The following TRIM25 variants were observed in gnomAD, a reference collection of about 807,000 sequenced individuals.
The protein encoded by TRIM25 is E3 ubiquitin/ISG15 ligase TRIM25.
Under a neutral mutation model 65.2 loss-of-function variants are expected in TRIM25, and 45 were observed. The observed-to-expected ratio is 0.69, with a 90% confidence interval of 0.54 to 0.89. The LOEUF is 0.89. TRIM25 is among the 40% of genes least tolerant of loss of function. The pLI is 0.00. For synonymous variants in TRIM25, 321 were observed against 340.4 expected, an observed-to-expected ratio of 0.94 and a Z score of 0.63; for missense variants, 714 against 803.7, an observed-to-expected ratio of 0.89 and a Z score of 1.35.
At chr17:56,906,469 A>G (rs1909522496) in intron 2 of TRIM25, among the ~76,000 whole-genome samples, 1 of 152,124 alleles carries the variant, frequency 6.6e-6, no homozygotes, top group Admixed American at 6.6e-5. Flanking sequence ...TAGACTGGAA[A>G]AGAGGAATTC....
At position 56,889,539 on chromosome 17, in the gene TRIM25, A is replaced by C; in HGVS notation, c.*2161T>G. On this transcript the variant is annotated 3_prime_UTR_variant, in exon 9 of 9. Transcript: ENST00000316881. ...GAATGGTTCAAGACAGCAAGGATGC[A>C]CTCCTCAATTTACAACTCCAAAGCA... 1 of 387,794 alleles carries C rather than the reference A, an allele frequency of 2.6e-6. No individual in the cohort carries two copies. Among genetic ancestry groups the C allele is most frequent in the Non-Finnish European group, 4.6e-6 (1 of 219,776 alleles). The allele number at this position is 387,794 out of a possible 1,614,324, so 24.0% of individuals were successfully genotyped here.
chr17:56,900,843 A>G (rs546510555), intron 4 of TRIM25, among the ~76,000 whole-genome samples: 1 of 152,184 alleles, frequency 6.6e-6, no homozygotes, highest in South Asian at 2.1e-4. Context: ...GCAAAGCAGA[A>G]TAGGTCCCAG....
chr17:56,908,511 G>T lies in TRIM25; in HGVS notation c.650C>A (p.Ser217Ter). The change falls in exon 2 of 9, where the codon TCG becomes TAG. Residue 217 changes from serine to a stop codon, truncating the protein, a stop_gained. Coordinates refer to ENST00000316881, the MANE Select transcript of TRIM25 (RefSeq NM_005082.5). LOFTEE classifies it high-confidence loss of function. ...GTTTCTCACATCATCCAGTGCTCTCGACGCCCCGTTGATCTGACTGTACAT... is the reference window on the plus strand; with the variant it reads ...GTTTCTCACATCATCCAGTGCTCTCTACGCCCCGTTGATCTGACTGTACAT... ...TVMYSQINGA[S>*]RALDDVRNRQ... 1 of 1,614,006 alleles carries T rather than the reference G, an allele frequency of 6.2e-7. No homozygotes were observed. Among genetic ancestry groups the T allele is most frequent in the South Asian group, 1.1e-5 (1 of 91,082 alleles).
At position 56,897,046 on chromosome 17, in the gene TRIM25, G is replaced by A. The variant is rs1249168160; in HGVS notation, c.1154-1094C>T. ...GAGGATCACTTGAGCCCAGGAGTTC[G>A]AGGCTGCAATGAGTTCTGTTCGCAC... is the stretch of plus-strand genomic sequence containing the variant. On this transcript the variant is annotated intron_variant, in intron 5 of 8. Coordinates refer to ENST00000316881, the MANE Select transcript of TRIM25 (RefSeq NM_005082.5). 7.2e-5 allele frequency among the ~76,000 whole-genome samples: 11 copies of A among 152,156 alleles called. No homozygotes were observed. The South Asian group carries it at 1.4e-3, about 20-fold the overall frequency.
Position 56,913,547 on chromosome 17 carries a change from G to C in TRIM25, c.442C>G (p.Pro148Ala). 1 of 1,613,662 alleles carries C rather than the reference G, an allele frequency of 6.2e-7. No homozygotes were observed. Among genetic ancestry groups the C allele is most frequent in the Non-Finnish European group, 8.5e-7 (1 of 1,179,774 alleles). Residue 148 changes from proline (P) to alanine (A), a missense_variant, in exon 1 of 9, where the codon CCC becomes GCC. Pro to Ala is a conservative substitution (Grantham distance 27). This residue lies in a region of TRIM25 where 291 missense variants were observed against 281.8 expected (regional missense o/e 1.03). Transcript: ENST00000316881. This position sits in a 1 kb window ranked among gnomAD's most constrained non-coding sequence, Gnocchi z 6.1. ...TTGCGGCGCAACAGGTCGCGAACGG[G>C]CGGCTGCAGCGGGTGGTCCTGGAAG... ...PAFQDHPLQP[P>A]VRDLLRRKCS... is the part of the protein sequence containing the mutation.
intron 5 of TRIM25, among the ~76,000 whole-genome samples, chr17:56,897,068 G>A (rs144287948): frequency 2.8e-4 from 43 of 151,812 alleles, no homozygotes; most frequent in African/African-American, 9.7e-4. Context: ...AGTTCTGTTC[G>A]CACCACTGCA....
Position 56,891,744 on chromosome 17 carries a change from C to A in TRIM25, c.1849G>T (p.Val617Leu), listed in dbSNP as rs887361081. The A allele has an allele frequency of 7.4e-6, 12 of 1,613,942 alleles. No individual in the cohort carries two copies. The highest frequency in any genetic ancestry group is 1.3e-5 in the African/African-American group (1 of 74,914). Residue 617 changes from valine (V) to leucine (L), a missense_variant, in exon 9 of 9, where the codon GTA becomes TTA. Coordinates refer to ENST00000316881, the MANE Select transcript of TRIM25 (RefSeq NM_005082.5). Reference sequence around the variant, plus strand: ...GAGAGTGTGGCACCAGCAGAAAATACCCAGAAAGCCGGGTACAAAGCCTCA... The same window carrying A: ...GAGAGTGTGGCACCAGCAGAAAATAACCAGAAAGCCGGGTACAAAGCCTCA... ...FTEALYPAFW[V>L]FSAGATLSIC...
chr17:56,897,885 G>A (rs1909324489), intron 5 of TRIM25, among the ~76,000 whole-genome samples: 1 of 152,100 alleles, frequency 6.6e-6, no homozygotes, highest in Non-Finnish European at 1.5e-5. Flanking sequence ...CCCAGCTAAG[G>A]GCTCCCTCCT....
chr17:56,889,937 C>T lies in TRIM25; in HGVS notation c.*1763G>A, dbSNP rs910845102. Reference sequence around the variant, plus strand: ...GATGTCTTTCCTACAAAGATTATTGCTCTCCCGAGGAACTGAAAATCCTTG... The same window carrying T: ...GATGTCTTTCCTACAAAGATTATTGTTCTCCCGAGGAACTGAAAATCCTTG... On this transcript the variant is annotated 3_prime_UTR_variant, in exon 9 of 9. Transcript: ENST00000316881. 5 of 398,440 alleles carry T rather than the reference C, an allele frequency of 1.3e-5. No individual in the cohort carries two copies. Among genetic ancestry groups the T allele is most frequent in the African/African-American group, 8.2e-5 (4 of 48,620 alleles). The allele number at this position is 398,440 out of a possible 1,614,324, so 24.7% of individuals were successfully genotyped here.
intron 8 of TRIM25, among the ~76,000 whole-genome samples, chr17:56,893,822 G>A (rs940547458): frequency 1.3e-5 from 2 of 152,204 alleles, no homozygotes; most frequent in African/African-American, 4.8e-5. Context: ...GAATGCCACT[G>A]ACAGGTGAAG....
In TRIM25 at chr17:56,890,368, T is replaced by C; in HGVS notation, c.*1332A>G. 1 of 349,078 alleles carries C rather than the reference T, an allele frequency of 2.9e-6. No homozygotes were observed. The highest frequency in any genetic ancestry group is 5.7e-6 in the Non-Finnish European group (1 of 175,658). The allele number at this position is 349,078 out of a possible 1,614,324, so 21.6% of individuals were successfully genotyped here. A position where few individuals can be genotyped will look rare whatever the true frequency, so the allele number is the denominator to read the frequency against. On this transcript the variant is annotated 3_prime_UTR_variant, in exon 9 of 9. Coordinates refer to ENST00000316881, the MANE Select transcript of TRIM25 (RefSeq NM_005082.5). The stretch of plus-strand genomic sequence containing the variant: ...GGGAAAATAGCCACTTGTGTGACCC[T>C]CTTTAGCTCTTTCCCTCCCTCCCTG...
chr17:56,901,622 G>A lies in TRIM25; in HGVS notation c.928-44C>T, dbSNP rs147770168. On this transcript the variant is annotated intron_variant, in intron 3 of 8. Coordinates refer to ENST00000316881, the MANE Select transcript of TRIM25 (RefSeq NM_005082.5). Reference sequence around the variant, plus strand: ...TTAGTGCAGGCAGCTCTGGTGAAACGGGGACCTGGGCTCAGTCCTCACCAA... The same window carrying A: ...TTAGTGCAGGCAGCTCTGGTGAAACAGGGACCTGGGCTCAGTCCTCACCAA... 9.6e-5 allele frequency: 154 copies of A among 1,609,728 alleles called. 1 individual carries two copies. The African/African-American group carries it at 1.5e-3, about 16-fold the overall frequency.
At chr17:56,892,308 T>A in intron 8 of TRIM25, 79 bp from the exon 9 acceptor site, 1 of 1,476,230 alleles carries the variant, frequency 6.8e-7, no homozygotes, top group Non-Finnish European at 9.0e-7. Context: ...GTGGTACTAT[T>A]TATTCACTAG....
intron 4 of TRIM25, 61 bp from the exon 5 acceptor site, chr17:56,899,241 T>A: frequency 6.3e-7 from 1 of 1,588,974 alleles, no homozygotes; most frequent in South Asian, 1.1e-5. Context: ...AGCAGCCAGC[T>A]TTGCCATGGG....
At chr17:56,906,786 C>T (rs996838994) in intron 2 of TRIM25, among the ~76,000 whole-genome samples, 32 of 152,228 alleles carry the variant, frequency 2.1e-4, no homozygotes, top group Non-Finnish European at 3.2e-4. Flanking sequence ...TGAGCCATTG[C>T]GCCCAGCCTT....
intron 1 of TRIM25, among the ~76,000 whole-genome samples, chr17:56,911,906 A>T (rs1024847682): frequency 5.3e-5 from 8 of 151,912 alleles, no homozygotes; most frequent in Non-Finnish European, 1.0e-4. Context: ...AGAAGAAAAA[A>T]AAAAGCCAAG....
At chr17:56,907,738 C>T (rs543574899) in intron 2 of TRIM25, among the ~76,000 whole-genome samples, 9 of 152,278 alleles carry the variant, frequency 5.9e-5, no homozygotes, top group African/African-American at 2.2e-4. Context: ...TATACCAGAA[C>T]CTGTGACTGT....
Position 56,913,974 on chromosome 17 carries a change from G to A in TRIM25, c.15C>T (p.Cys5=), listed in dbSNP as rs1208104532. The A allele has an allele frequency of 2.5e-6, 4 of 1,569,234 alleles. No individual in the cohort carries two copies. The highest frequency in any genetic ancestry group is 1.4e-5 in the African/African-American group (1 of 73,678). ...AGCACGACAGCTCCTCGGCCAGGGGGCACAGCTCTGCCATGGCGCTCCCAG... is the reference window on the plus strand; with the variant it reads ...AGCACGACAGCTCCTCGGCCAGGGGACACAGCTCTGCCATGGCGCTCCCAG... The part of the protein sequence containing the change: MAEL[C]PLAEELSCSI... Residue 5 remains cysteine (C), a synonymous_variant, in exon 1 of 9, where the codon TGC becomes TGT. Transcript: ENST00000316881. This position sits in a 1 kb window ranked among gnomAD's most constrained non-coding sequence, Gnocchi z 6.1.
intron 2 of TRIM25, among the ~76,000 whole-genome samples, chr17:56,907,262 A>C (rs893796146): frequency 3.9e-5 from 6 of 152,246 alleles, no homozygotes; most frequent in Non-Finnish European, 8.8e-5. Context: ...AATCATATTT[A>C]AGCCTCTGAA....
Sources: gnomAD v4.1 joint callset for allele counts (sites outside exome capture counted in the v4.1 genomes callset) on GRCh38, gnomAD v4.1.1 for gene constraint, gnomAD v4.1.1 regional missense constraint, Gnocchi (gnomAD v3.1) non-coding constraint, MANE v1.5 for transcripts, NCBI Gene and HGNC (gene_info 2026-07-23, HGNC 2026-07-21) for gene names.